Variants in ADAMTS3 observed in about 807,000 individuals in gnomAD.
The protein encoded by ADAMTS3 is A disintegrin and metalloproteinase with thrombospondin motifs 3.
ADAMTS3 carries 73 observed loss-of-function variants against 129.0 expected under a neutral mutation model. That is an observed-to-expected ratio of 0.57 (90% CI 0.47 to 0.69). ADAMTS3 has a LOEUF of 0.69. Ranked by LOEUF, ADAMTS3 falls within the 30% of genes least tolerant of loss-of-function variation. ADAMTS3 has a pLI of 0.00. For synonymous variants in ADAMTS3, 477 were observed against 510.8 expected, an observed-to-expected ratio of 0.93 and a Z score of 0.89; for missense variants, 1,457 against 1,514.5, an observed-to-expected ratio of 0.96 and a Z score of 0.63.
intron 3 of ADAMTS3, among the ~76,000 whole-genome samples, chr4:72,525,835 C>T (rs574102600): frequency 6.6e-6 from 1 of 152,110 alleles, no homozygotes; most frequent in Non-Finnish European, 1.5e-5. Context: ...GTGATATTTG[C>T]ATTTTCTAGC....
At chr4:72,398,741 G>A (rs62318846) in intron 4 of ADAMTS3, among the ~76,000 whole-genome samples, 19,114 of 152,126 alleles carry the variant, frequency 0.13, 1,286 homozygotes, top group East Asian at 0.21. Flanking sequence ...AGAAAGAAAC[G>A]TGTGACACCA....
chr4:72,433,182 C>T (rs929478754), intron 3 of ADAMTS3, among the ~76,000 whole-genome samples: 2 of 151,956 alleles, frequency 1.3e-5, no homozygotes, highest in African/African-American at 2.4e-5. Context: ...AAGAGCCACA[C>T]CCTGCCTGCA....
chr4:72,455,899 G>GTA (rs1353189969), intron 3 of ADAMTS3, among the ~76,000 whole-genome samples: 93 of 102,866 alleles, frequency 9.0e-4, no homozygotes, highest in Non-Finnish European at 1.3e-3. Context: ...TTTATATATA[G>GTA]TATATACACT....
chr4:72,419,555 C>T (rs894886422), intron 3 of ADAMTS3, among the ~76,000 whole-genome samples: 10 of 152,156 alleles, frequency 6.6e-5, no homozygotes, highest in African/African-American at 2.4e-4. Flanking sequence ...CAGCCCAGGA[C>T]AGCTTTGAAT....
chr4:72,554,419 C>T (rs1721713981), intron 2 of ADAMTS3, among the ~76,000 whole-genome samples: 1 of 152,088 alleles, frequency 6.6e-6, no homozygotes, highest in Non-Finnish European at 1.5e-5. Context: ...AAGAAAATTT[C>T]CCTTAAACTA....
At position 72,569,001 on chromosome 4, in the gene ADAMTS3, T is replaced by C; in HGVS notation, c.-239A>G. 1 of 566,860 alleles carries C rather than the reference T, an allele frequency of 1.8e-6. No individual in the cohort carries two copies. The highest frequency in any genetic ancestry group is 3.1e-6 in the Non-Finnish European group (1 of 317,882). The allele number at this position is 566,860 out of a possible 1,614,324, so 35.1% of individuals were successfully genotyped here. Reference sequence around the variant, plus strand: ...CTCACCCCGTCCTCCCAACACAGAGTGTGCAGGAGCGAGAAGGTGCTGTAA... The same window carrying C: ...CTCACCCCGTCCTCCCAACACAGAGCGTGCAGGAGCGAGAAGGTGCTGTAA... On this transcript the variant is annotated 5_prime_UTR_variant, in exon 1 of 22. Transcript: ENST00000286657.
At chr4:72,322,957 C>T in intron 6 of ADAMTS3, 57 bp downstream of exon 6, 5 of 1,341,204 alleles carry the variant, frequency 3.7e-6, no homozygotes, top group South Asian at 1.2e-5. Context: ...ACAATTTAGT[C>T]TTCTATTTGC....
chr4:72,356,893 C>T (rs1204205165), intron 4 of ADAMTS3, among the ~76,000 whole-genome samples: 1 of 151,802 alleles, frequency 6.6e-6, no homozygotes, highest in Admixed American at 6.6e-5. Context: ...TCATAATACA[C>T]ATTAGAGAAA....
chr4:72,293,164 C>T (rs1718720363), intron 19 of ADAMTS3, among the ~76,000 whole-genome samples: 1 of 152,160 alleles, frequency 6.6e-6, no homozygotes, highest in Non-Finnish European at 1.5e-5. Flanking sequence ...AGGTGATGAG[C>T]AAACTGACTT....
At chr4:72,527,750 C>T (rs539853115) in intron 3 of ADAMTS3, among the ~76,000 whole-genome samples, 10 of 152,184 alleles carry the variant, frequency 6.6e-5, no homozygotes, top group Admixed American at 2.6e-4. Context: ...CATTCCATTA[C>T]GAAGAAACTT....
chr4:72,310,694 A>C lies in ADAMTS3; in HGVS notation c.2055+354T>G, dbSNP rs527747659. On this transcript the variant is annotated intron_variant, in intron 14 of 21. Coordinates refer to ENST00000286657, the MANE Select transcript of ADAMTS3 (RefSeq NM_014243.3). ...CAACAAAAGATTAAATATACTTAGC[A>C]CTGATTATTTTTAAAAAGACCTTGT... is the stretch of plus-strand genomic sequence containing the variant. Among the ~76,000 whole-genome samples, 44 of 152,264 alleles carry C rather than the reference A, an allele frequency of 2.9e-4. No individual in the cohort carries two copies. The East Asian group carries it at 8.1e-3, about 28-fold the overall frequency.
intron 3 of ADAMTS3, among the ~76,000 whole-genome samples, chr4:72,516,219 A>C (rs28751116): frequency 0.25 from 38,479 of 152,016 alleles, 5,036 homozygotes; most frequent in Middle Eastern, 0.34. Flanking sequence ...TACCAGTACC[A>C]TGCTGTTTTG....
intron 3 of ADAMTS3, among the ~76,000 whole-genome samples, chr4:72,532,429 C>G (rs1046428129): frequency 6.6e-6 from 1 of 151,970 alleles, no homozygotes; most frequent in Non-Finnish European, 1.5e-5. Flanking sequence ...CTTGAAGAAA[C>G]TTGGTGCTTC....
At chr4:72,398,506 C>T (rs760222793) in intron 4 of ADAMTS3, among the ~76,000 whole-genome samples, 2 of 152,072 alleles carry the variant, frequency 1.3e-5, no homozygotes, top group Non-Finnish European at 2.9e-5. Context: ...ACCTGGGAAG[C>T]GGAGGTTGCA....
At chr4:72,408,692 T>C (rs13151109) in intron 4 of ADAMTS3, among the ~76,000 whole-genome samples, 93,969 of 148,974 alleles carry the variant, frequency 0.63, 30,164 homozygotes, top group South Asian at 0.79. Flanking sequence ...TTATAAATCA[T>C]TGTACCTGGA....
At chr4:72,426,641 C>T (rs867604516) in intron 3 of ADAMTS3, among the ~76,000 whole-genome samples, 3 of 152,100 alleles carry the variant, frequency 2.0e-5, no homozygotes, top group Middle Eastern at 3.2e-3. Flanking sequence ...AATCCCAACA[C>T]AGTGAGAGAC....
intron 3 of ADAMTS3, among the ~76,000 whole-genome samples, chr4:72,455,834 GTGTATATACTATATATTTTATATATAGTA>G: frequency 1.3e-5 from 1 of 79,120 alleles, no homozygotes; most frequent in East Asian, 4.1e-4. Context: ...AGTATATACA[GTGTATATACTATATATTTTATATATAGTA>G]TATACACTGT....
chr4:72,521,003 CTT>C (rs752135685), intron 3 of ADAMTS3, among the ~76,000 whole-genome samples: 4 of 144,420 alleles, frequency 2.8e-5, no homozygotes, highest in Admixed American at 6.9e-5. Context: ...CACTTTTTTT[CTT>C]TTTTTTTTTT....
At chr4:72,515,121 T>G (rs894410504) in intron 3 of ADAMTS3, among the ~76,000 whole-genome samples, 1 of 152,214 alleles carries the variant, frequency 6.6e-6, no homozygotes, top group Non-Finnish European at 1.5e-5. Flanking sequence ...TTGCTGAGAA[T>G]GATGATTTCC....
Sources: allele counts gnomAD v4.1 joint callset (sites outside exome capture counted in the v4.1 genomes callset), GRCh38; gene constraint gnomAD v4.1.1; transcripts MANE v1.5; gene names NCBI Gene and HGNC (gene_info 2026-07-23, HGNC 2026-07-21).